Variants in CARS1 observed in about 807,000 individuals in gnomAD.
The protein encoded by CARS1 is cysteinyl-tRNA synthetase 1.
CARS1 carries 48 observed loss-of-function variants against 106.2 expected under a neutral mutation model. The observed-to-expected ratio is 0.45, with a 90% confidence interval of 0.36 to 0.57. The LOEUF (loss-of-function observed/expected upper bound fraction) is 0.57, where lower values mean the gene tolerates loss of function less well. Ranked by LOEUF, CARS1 falls within the 20% of genes least tolerant of loss-of-function variation. The pLI is 0.00. For synonymous variants in CARS1, 409 were observed against 403.4 expected, an observed-to-expected ratio of 1.01 and a Z score of -0.17; for missense variants, 968 against 1,057.2, an observed-to-expected ratio of 0.92 and a Z score of 1.17.
In CARS1 at chr11:3,020,393, C is replaced by T; in HGVS notation, c.1154-61G>A. On this transcript the variant is annotated intron_variant, in intron 10 of 22. Coordinates refer to ENST00000380525, the MANE Select transcript of CARS1 (RefSeq NM_001014437.3). The surrounding 1 kb of genome is among the most constrained non-coding windows in gnomAD (Gnocchi z 4.6). ...GCAGCACCCACAGACCCACATGTCTCACTTCAAGGCCATCCACGGTGCCTA... is the reference window on the plus strand; with the variant it reads ...GCAGCACCCACAGACCCACATGTCTTACTTCAAGGCCATCCACGGTGCCTA... 1.0e-6 allele frequency: 1 copy of T among 972,838 alleles called. No homozygotes were observed. The highest frequency in any genetic ancestry group is 2.1e-4 in the Middle Eastern group (1 of 4,848). The allele number at this position is 972,838 out of a possible 1,614,324, so 60.3% of individuals were successfully genotyped here. A position where few individuals can be genotyped will look rare whatever the true frequency, so the allele number is the denominator to read the frequency against.
rs549610873 is a variant in CARS1 at position 3,050,609 on chromosome 11, C to T, written c.26-2608G>A. Among the ~76,000 whole-genome samples, 176 of 152,300 alleles carry T rather than the reference C, an allele frequency of 1.2e-3. No individual in the cohort carries two copies. The highest frequency in any genetic ancestry group is 3.9e-3 in the African/African-American group (160 of 41,554). ...AAAGCGCACGTTCACATTACTGCCC[C>T]CAACACCCACCTCGCCAGCAGCACA... On this transcript the variant is annotated intron_variant, in intron 1 of 22. Transcript: ENST00000380525. This position sits in a 1 kb window ranked among gnomAD's most constrained non-coding sequence, Gnocchi z 6.3.
Position 3,057,071 on chromosome 11 carries a change from C to G in CARS1, c.25+272G>C, listed in dbSNP as rs566311144. Among the ~76,000 whole-genome samples, 4 of 152,210 alleles carry G rather than the reference C, an allele frequency of 2.6e-5. No homozygotes were observed. The East Asian group carries it at 7.7e-4, about 29-fold the overall frequency. On this transcript the variant is annotated intron_variant, in intron 1 of 22. Transcript: ENST00000380525. ...ACGTGCCACCCCTCGAACCTCAGGACCCGCCGTCCCTCAGACCCCGGGCAC... is the reference window on the plus strand; with the variant it reads ...ACGTGCCACCCCTCGAACCTCAGGAGCCGCCGTCCCTCAGACCCCGGGCAC...
In CARS1 at chr11:3,028,876, G is replaced by A; in HGVS notation, c.1031+120C>T. On this transcript the variant is annotated intron_variant, in intron 9 of 22. Coordinates refer to ENST00000380525, the MANE Select transcript of CARS1 (RefSeq NM_001014437.3). This position sits in a 1 kb window ranked among gnomAD's most constrained non-coding sequence, Gnocchi z 4.4. ...AGGAGGAAGTCTGCTGGGACTTCTA[G>A]CTACGCAGCCCCAGAACACCTGCTC... The A allele has an allele frequency of 4.1e-6, 3 of 734,286 alleles. No homozygotes were observed. The highest frequency in any genetic ancestry group is 7.2e-6 in the Non-Finnish European group (3 of 414,746). The allele number at this position is 734,286 out of a possible 1,614,324, so 45.5% of individuals were successfully genotyped here.
At position 3,032,477 on chromosome 11, in the gene CARS1, G is replaced by A. The variant is rs74048778; in HGVS notation, c.802-3034C>T. On this transcript the variant is annotated intron_variant, in intron 7 of 22. Coordinates refer to ENST00000380525, the MANE Select transcript of CARS1 (RefSeq NM_001014437.3). ...AGCCCTTCAACCTGTCAGATCTGAC[G>A]CTTCCTCCTGGCAAACTGTGTTGGA... Among the ~76,000 whole-genome samples, 1,013 of 152,248 alleles carry A rather than the reference G, an allele frequency of 6.7e-3. 12 individuals are homozygous for A. The highest frequency in any genetic ancestry group is 0.024 in the African/African-American group (982 of 41,534).
intron 10 of CARS1, among the ~76,000 whole-genome samples, chr11:3,024,648 A>G (rs1590396086): frequency 2.0e-5 from 3 of 151,990 alleles, no homozygotes; most frequent in Non-Finnish European, 4.4e-5. Context: ...GGGTCTCCCT[A>G]TGTTGCCCAG....
chr11:3,024,673 C>G (rs554888070), intron 10 of CARS1, among the ~76,000 whole-genome samples: 3 of 152,260 alleles, frequency 2.0e-5, no homozygotes, highest in Non-Finnish European at 4.4e-5. Context: ...GTCTGGAACT[C>G]CTGGGCTCAA....
chr11:3,017,984 T>A lies in CARS1; in HGVS notation c.1630-30A>T, dbSNP rs1851213136. 1 of 1,430,778 alleles carries A rather than the reference T, an allele frequency of 7.0e-7. No homozygotes were observed. The highest frequency in any genetic ancestry group is 1.4e-5 in the African/African-American group (1 of 70,912). The allele number at this position is 1,430,778 out of a possible 1,614,324, so 88.6% of individuals were successfully genotyped here. A position where few individuals can be genotyped will look rare whatever the true frequency, so the allele number is the denominator to read the frequency against. ...AGTTAGAAAAATCAGTTTAACAGCA[T>A]TTAGGCAACTTTTCCATCCTGAAAT... On this transcript the variant is annotated intron_variant, in intron 14 of 22. Coordinates refer to ENST00000380525, the MANE Select transcript of CARS1 (RefSeq NM_001014437.3). This position sits in a 1 kb window ranked among gnomAD's most constrained non-coding sequence, Gnocchi z 4.9.
intron 10 of CARS1, 147 bp downstream of exon 10, chr11:3,026,529 A>G: frequency 1.3e-6 from 1 of 745,738 alleles, no homozygotes; most frequent in Non-Finnish European, 2.2e-6. Flanking sequence ...AGTGCAGAAA[A>G]CTCCTAAAAT....
rs79159484 is a variant in CARS1 at position 3,050,066 on chromosome 11, C to A, written c.26-2065G>T. Among the ~76,000 whole-genome samples the A allele has an allele frequency of 6.6e-6, 1 of 152,174 alleles. No homozygotes were observed. The highest frequency in any genetic ancestry group is 2.1e-4 in the South Asian group (1 of 4,830). ...AGCTCTTCACCCGCCAGGGAGCCTA[C>A]GGAGCCACGTGATGCCCCAAGGCCC... is the stretch of plus-strand genomic sequence containing the variant. On this transcript the variant is annotated intron_variant, in intron 1 of 22. Coordinates refer to ENST00000380525, the MANE Select transcript of CARS1 (RefSeq NM_001014437.3). This position sits in a 1 kb window ranked among gnomAD's most constrained non-coding sequence, Gnocchi z 6.3.
intron 16 of CARS1, among the ~76,000 whole-genome samples, chr11:3,016,289 T>C (rs530393044): frequency 7.9e-5 from 12 of 151,728 alleles, no homozygotes; most frequent in Middle Eastern, 6.8e-3. Flanking sequence ...GGCGCAATCT[T>C]GGCTCACTGC....
intron 17 of CARS1, 27 bp from the exon 18 acceptor site, chr11:3,012,303 T>G: frequency 6.3e-7 from 1 of 1,594,074 alleles, no homozygotes; most frequent in Non-Finnish European, 8.6e-7. Context: ...TTTGGTTCAC[T>G]GAGAGCTGCT....
In CARS1 at chr11:3,003,593, A is replaced by G. The variant is rs575775933; in HGVS notation, c.2218-993T>C. On this transcript the variant is annotated intron_variant, in intron 20 of 22. Transcript: ENST00000380525. This position sits in a 1 kb window ranked among gnomAD's most constrained non-coding sequence, Gnocchi z 4.8. Reference sequence around the variant, plus strand: ...AGGGAAAAGAAACCAGGAAGGCACAAAGGTCTCAGAGACTCAGGATGGGGC... The same window carrying G: ...AGGGAAAAGAAACCAGGAAGGCACAGAGGTCTCAGAGACTCAGGATGGGGC... Among the ~76,000 whole-genome samples the G allele has an allele frequency of 6.6e-6, 1 of 152,202 alleles. No homozygotes were observed. Among genetic ancestry groups the G allele is most frequent in the East Asian group, 1.9e-4 (1 of 5,168 alleles).
Position 3,038,164 on chromosome 11 carries a change from G to A in CARS1, c.687C>T (p.Pro229=), listed in dbSNP as rs3205318. 2,403 of 1,614,022 alleles carry A rather than the reference G, an allele frequency of 1.5e-3. 27 individuals are homozygous for A. In the African/African-American group the frequency reaches 0.027, roughly 18 times the overall value. ...TCCGTTCGAGCATCTGCTTTTTATC[G>A]GGATCCGTGGTCTCATTTAATTTTA... ...FSVKLNETTD[P]DKKQMLERIQ... is the part of the protein sequence containing the mutation. The change falls in exon 7 of 23, where the codon CCC becomes CCT. Residue 229 remains proline (P), a synonymous_variant. Transcript: ENST00000380525. The surrounding 1 kb of genome is among the most constrained non-coding windows in gnomAD (Gnocchi z 4.0).
Position 3,029,627 on chromosome 11 carries a change from G to T in CARS1, c.802-184C>A. ...ACTGGCTCGGCAGGGACAAATACAA[G>T]ACTCTACAAATGGGCAGGTCTCACA... On this transcript the variant is annotated intron_variant, in intron 7 of 22. Coordinates refer to ENST00000380525, the MANE Select transcript of CARS1 (RefSeq NM_001014437.3). This position sits in a 1 kb window ranked among gnomAD's most constrained non-coding sequence, Gnocchi z 5.9. 1 of 611,956 alleles carries T rather than the reference G, an allele frequency of 1.6e-6. No homozygotes were observed. Among genetic ancestry groups the T allele is most frequent in the Non-Finnish European group, 2.8e-6 (1 of 354,808 alleles). The allele number at this position is 611,956 out of a possible 1,614,324, so 37.9% of individuals were successfully genotyped here. A position where few individuals can be genotyped will look rare whatever the true frequency, so the allele number is the denominator to read the frequency against.
chr11:3,015,948 C>A (rs1311780527), intron 16 of CARS1, 99 bp from the exon 17 acceptor site: 6 of 996,146 alleles, frequency 6.0e-6, no homozygotes, highest in Non-Finnish European at 9.5e-6. Flanking sequence ...GGAGGGGGTG[C>A]CCCAAGACCA....
chr11:3,052,433 G>A lies in CARS1; in HGVS notation c.26-4432C>T, dbSNP rs747342157. 2.0e-5 allele frequency among the ~76,000 whole-genome samples: 3 copies of A among 152,152 alleles called. No homozygotes were observed. The highest frequency in any genetic ancestry group is 7.2e-5 in the African/African-American group (3 of 41,420). ...TATTATTAATGTTATTGTAATAGCC[G>A]CATGCTACACACAGAGAATTTCCTG... On this transcript the variant is annotated intron_variant, in intron 1 of 22. Coordinates refer to ENST00000380525, the MANE Select transcript of CARS1 (RefSeq NM_001014437.3). This position sits in a 1 kb window ranked among gnomAD's most constrained non-coding sequence, Gnocchi z 4.6.
intron 9 of CARS1, chr11:3,027,938 G>A (rs183565467): frequency 5.9e-4 from 262 of 446,206 alleles, no homozygotes; most frequent in African/African-American, 4.6e-3. Flanking sequence ...TGGAGGGCCT[G>A]ACATGAGTCA....
chr11:3,018,769 G>C lies in CARS1; in HGVS notation c.1396-20C>G, dbSNP rs369759953. 5.2e-5 allele frequency: 84 copies of C among 1,610,000 alleles called. No individual in the cohort carries two copies. Among genetic ancestry groups the C allele is most frequent in the Non-Finnish European group, 6.8e-5 (80 of 1,177,628 alleles). On this transcript the variant is annotated intron_variant, in intron 12 of 22. Coordinates refer to ENST00000380525, the MANE Select transcript of CARS1 (RefSeq NM_001014437.3). ...GTAGGCCTGCGTGGAAAGAGACAAA[G>C]GATGTCAACAGTCATGTGTTACTGG...
intron 17 of CARS1, 95 bp from the exon 18 acceptor site, chr11:3,012,371 C>T (rs1850567087): frequency 1.9e-6 from 2 of 1,067,598 alleles, no homozygotes; most frequent in African/African-American, 3.1e-5. Context: ...AGGGCAGGGA[C>T]TGGCATGGGC....
Sources: allele counts gnomAD v4.1 joint callset (sites outside exome capture counted in the v4.1 genomes callset), GRCh38; gene constraint gnomAD v4.1.1; non-coding constraint Gnocchi (gnomAD v3.1); transcripts MANE v1.5; gene names NCBI Gene and HGNC (gene_info 2026-07-23, HGNC 2026-07-21).